RALGAPA2: variants seen among roughly 807,000 people sequenced by gnomAD.
RALGAPA2 encodes Ral GTPase activating protein catalytic subunit alpha 2, also known as ral GTPase-activating protein subunit alpha-2.
A neutral mutation model predicts 230.4 loss-of-function variants in RALGAPA2; 139 were observed. That is an observed-to-expected ratio of 0.60 (90% CI 0.53 to 0.69). The LOEUF is 0.69. Among genes scored for constraint, RALGAPA2 ranks in the 30% least tolerant of loss-of-function variants. RALGAPA2 has a pLI of 0.00. For missense variants in RALGAPA2, 2,163 were observed against 2,276.0 expected (o/e 0.95, Z 1.01); for synonymous variants, 847 against 837.8 (o/e 1.01, Z -0.19).
intron 23 of RALGAPA2, among the ~76,000 whole-genome samples, chr20:20,559,191 C>T (rs2064178228): frequency 6.6e-6 from 1 of 152,174 alleles, no homozygotes; most frequent in Admixed American, 6.5e-5. Context: ...AAAACTGAAG[C>T]TCTCAACATT....
At chr20:20,650,367 T>C (rs998245541) in intron 4 of RALGAPA2, among the ~76,000 whole-genome samples, 5 of 152,182 alleles carry the variant, frequency 3.3e-5, no homozygotes, top group African/African-American at 1.2e-4. Flanking sequence ...TTTTCTTCCT[T>C]CTCAGGATAA....
chr20:20,481,969 A>C (rs2061787228), intron 36 of RALGAPA2, among the ~76,000 whole-genome samples: 1 of 152,206 alleles, frequency 6.6e-6, no homozygotes, highest in Non-Finnish European at 1.5e-5. Flanking sequence ...AAACCAAACA[A>C]TTTTGAGATA....
At chr20:20,568,477 C>T (rs1394162158) in intron 23 of RALGAPA2, among the ~76,000 whole-genome samples, 1 of 152,122 alleles carries the variant, frequency 6.6e-6, no homozygotes, top group South Asian at 2.1e-4. Context: ...TGTCTGTTTA[C>T]ATAATAAATT....
At chr20:20,619,211 C>T in intron 12 of RALGAPA2, 66 bp downstream of exon 12, 1 of 1,427,120 alleles carries the variant, frequency 7.0e-7, no homozygotes, top group Non-Finnish European at 9.3e-7. Flanking sequence ...CCCCAATAAA[C>T]AAAAAGACAA....
At chr20:20,400,533 T>G (rs140857780) in intron 38 of RALGAPA2, among the ~76,000 whole-genome samples, 40 of 152,348 alleles carry the variant, frequency 2.6e-4, no homozygotes, top group African/African-American at 8.9e-4. Flanking sequence ...TGTGGCTCTA[T>G]GACTAAATTA....
At position 20,536,591 on chromosome 20, in the gene RALGAPA2, G is replaced by C. The variant is rs150798428; in HGVS notation, c.3414+65C>G. 2.5e-5 allele frequency: 38 copies of C among 1,534,488 alleles called. No individual in the cohort carries two copies. The African/African-American group carries it at 3.7e-4, about 15-fold the overall frequency. Reference sequence around the variant, plus strand: ...CAGATTAATATACACTAATGGAAGAGATAATCATACATCTAGAATTATAAA... The same window carrying C: ...CAGATTAATATACACTAATGGAAGACATAATCATACATCTAGAATTATAAA... On this transcript the variant is annotated intron_variant, in intron 25 of 39. Coordinates refer to ENST00000202677, the MANE Select transcript of RALGAPA2 (RefSeq NM_020343.4).
At chr20:20,554,766 C>T (rs1053352624) in intron 23 of RALGAPA2, among the ~76,000 whole-genome samples, 3 of 152,182 alleles carry the variant, frequency 2.0e-5, no homozygotes, top group Admixed American at 1.3e-4. Context: ...AGCCTCCAAA[C>T]GTGTTGGGAT....
In RALGAPA2 at chr20:20,563,887, A is replaced by T. The variant is rs550939293; in HGVS notation, c.3156+7571T>A. On this transcript the variant is annotated intron_variant, in intron 23 of 39. Coordinates refer to ENST00000202677, the MANE Select transcript of RALGAPA2 (RefSeq NM_020343.4). ...GCATATATATACAAAATATATACACATATAATGAATTATACACATAGACAC... is the reference window on the plus strand; with the variant it reads ...GCATATATATACAAAATATATACACTTATAATGAATTATACACATAGACAC... 2.6e-5 allele frequency among the ~76,000 whole-genome samples: 4 copies of T among 151,610 alleles called. No individual in the cohort carries two copies. In the South Asian group the frequency reaches 8.4e-4, roughly 32 times the overall value.
At chr20:20,575,654 C>T (rs2064796520) in intron 20 of RALGAPA2, among the ~76,000 whole-genome samples, 1 of 150,966 alleles carries the variant, frequency 6.6e-6, no homozygotes, top group South Asian at 2.1e-4. Context: ...ATCATCACCT[C>T]CTACTTTTGT....
intron 33 of RALGAPA2, among the ~76,000 whole-genome samples, chr20:20,508,405 A>G (rs1009704455): frequency 6.6e-6 from 1 of 152,252 alleles, no homozygotes; most frequent in Non-Finnish European, 1.5e-5. Flanking sequence ...CTTATTAGGA[A>G]TAGACCAGAA....
intron 37 of RALGAPA2, among the ~76,000 whole-genome samples, chr20:20,419,696 G>A (rs1254893094): frequency 6.6e-6 from 1 of 152,186 alleles, no homozygotes; most frequent in Non-Finnish European, 1.5e-5. Flanking sequence ...AAAACCAGCT[G>A]AATCTGAGAA....
At chr20:20,624,182 C>T (rs112523469) in intron 10 of RALGAPA2, among the ~76,000 whole-genome samples, 1 of 152,164 alleles carries the variant, frequency 6.6e-6, no homozygotes, top group South Asian at 2.1e-4. Context: ...CAAAAATTAG[C>T]TGGGTGTGGT....
At chr20:20,559,298 T>C (rs2064182766) in intron 23 of RALGAPA2, among the ~76,000 whole-genome samples, 2 of 152,142 alleles carry the variant, frequency 1.3e-5, no homozygotes, top group African/African-American at 4.8e-5. Context: ...CCTGGATGAA[T>C]TAGAATGACA....
intron 16 of RALGAPA2, among the ~76,000 whole-genome samples, chr20:20,601,287 T>C (rs1173483067): frequency 6.6e-6 from 1 of 152,188 alleles, no homozygotes; most frequent in Admixed American, 6.5e-5. Flanking sequence ...GTCTATCCAG[T>C]CCTGAAATTC....
chr20:20,565,243 T>A (rs1265621048), intron 23 of RALGAPA2, among the ~76,000 whole-genome samples: 1 of 152,258 alleles, frequency 6.6e-6, no homozygotes. Context: ...TACTCACTTA[T>A]GTTTCACCTT....
intron 15 of RALGAPA2, among the ~76,000 whole-genome samples, chr20:20,603,198 A>T (rs1050628041): frequency 6.6e-6 from 1 of 152,244 alleles, no homozygotes; most frequent in Non-Finnish European, 1.5e-5. Flanking sequence ...TCTGTTAAAA[A>T]TGTTAGAAAA....
At chr20:20,463,506 A>G (rs2061348489) in intron 37 of RALGAPA2, among the ~76,000 whole-genome samples, 1 of 152,190 alleles carries the variant, frequency 6.6e-6, no homozygotes, top group Non-Finnish European at 1.5e-5. Flanking sequence ...TAATAAATTT[A>G]GACTACTTTG....
intron 37 of RALGAPA2, among the ~76,000 whole-genome samples, chr20:20,441,474 A>G (rs2060738654): frequency 1.3e-5 from 2 of 152,254 alleles, no homozygotes; most frequent in Admixed American, 6.5e-5. Context: ...AGCAGTGACC[A>G]CAATGACAGC....
chr20:20,623,137 G>A (rs1480753229), intron 10 of RALGAPA2, among the ~76,000 whole-genome samples: 1 of 152,166 alleles, frequency 6.6e-6, no homozygotes, highest in East Asian at 1.9e-4. Context: ...CAGTTGCTAT[G>A]TTAAACGTAA....
Sources: gnomAD v4.1 joint callset for allele counts (sites outside exome capture counted in the v4.1 genomes callset) on GRCh38, gnomAD v4.1.1 for gene constraint, MANE v1.5 for transcripts, NCBI Gene and HGNC (gene_info 2026-07-23, HGNC 2026-07-21) for gene names.